The following PRKG1 variants were observed in gnomAD, a reference collection of about 807,000 sequenced individuals.
The protein encoded by PRKG1 is cGMP-dependent protein kinase 1.
A neutral mutation model predicts 88.1 loss-of-function variants in PRKG1; 35 were observed. That is an observed-to-expected ratio of 0.40 (90% CI 0.30 to 0.53). PRKG1 has a LOEUF of 0.53. Among genes scored for constraint, PRKG1 ranks in the 20% least tolerant of loss-of-function variants. PRKG1 has a pLI of 0.59. For missense variants in PRKG1, 540 were observed against 839.8 expected (o/e 0.64, Z 4.41); for synonymous variants, 303 against 292.5 (o/e 1.04, Z -0.37).
At chr10:51,523,369 T>A (rs565411219) in intron 3 of PRKG1, among the ~76,000 whole-genome samples, 1 of 152,338 alleles carries the variant, frequency 6.6e-6, no homozygotes, top group Admixed American at 6.5e-5. Flanking sequence ...ATTTTCTATT[T>A]AAGTTGGTTA....
At chr10:51,249,191 A>G (rs535617134) in intron 2 of PRKG1, among the ~76,000 whole-genome samples, 21 of 152,012 alleles carry the variant, frequency 1.4e-4, no homozygotes, top group Admixed American at 4.6e-4. Context: ...GGGCAAAAAA[A>G]TTTTAGTTTA....
chr10:51,376,294 A>T (rs769010401), intron 2 of PRKG1, among the ~76,000 whole-genome samples: 20 of 152,198 alleles, frequency 1.3e-4, no homozygotes, highest in Admixed American at 3.3e-4. Flanking sequence ...CATTTTTTAC[A>T]GTTTATACAT....
intron 3 of PRKG1, among the ~76,000 whole-genome samples, chr10:51,573,791 C>T (rs930296257): frequency 2.0e-5 from 3 of 151,798 alleles, no homozygotes; most frequent in African/African-American, 7.2e-5. Context: ...GCTCAATGAA[C>T]ATTGAACCAA....
intron 2 of PRKG1, among the ~76,000 whole-genome samples, chr10:51,331,633 T>C (rs1176163737): frequency 6.6e-6 from 1 of 152,216 alleles, no homozygotes; most frequent in African/African-American, 2.4e-5. Context: ...GTGTCTTTTC[T>C]TATTATTGTG....
intron 1 of PRKG1, among the ~76,000 whole-genome samples, chr10:51,007,908 C>T (rs1333027840): frequency 6.6e-6 from 1 of 152,176 alleles, no homozygotes; most frequent in African/African-American, 2.4e-5. Flanking sequence ...TCTCAACAAT[C>T]CCATGGTGGT....
At chr10:52,282,089 T>C (rs1194804697) in intron 13 of PRKG1, 64 bp from the exon 14 acceptor site, 7 of 1,402,494 alleles carry the variant, frequency 5.0e-6, no homozygotes, top group Non-Finnish European at 6.7e-6. Context: ...TGCTTCAAAA[T>C]AACTTATTAC....
chr10:51,736,268 T>G (rs934803983), intron 3 of PRKG1, among the ~76,000 whole-genome samples: 4 of 152,024 alleles, frequency 2.6e-5, no homozygotes, highest in African/African-American at 9.7e-5. Flanking sequence ...TTTAAAAAAA[T>G]TATTTATTAT....
At chr10:51,055,640 G>A (rs950709993) in intron 1 of PRKG1, among the ~76,000 whole-genome samples, 6 of 151,978 alleles carry the variant, frequency 3.9e-5, no homozygotes, top group Non-Finnish European at 8.8e-5. Flanking sequence ...TCGGGAGGCT[G>A]AGGCAGGAGA....
At chr10:52,244,407 G>A (rs1840949542) in intron 9 of PRKG1, among the ~76,000 whole-genome samples, 2 of 151,852 alleles carry the variant, frequency 1.3e-5, no homozygotes, top group South Asian at 4.2e-4. Flanking sequence ...AGAGATGATT[G>A]ATGACTTGAT....
At chr10:51,788,596 A>G (rs1232546756) in intron 3 of PRKG1, among the ~76,000 whole-genome samples, 1 of 152,210 alleles carries the variant, frequency 6.6e-6, no homozygotes, top group Non-Finnish European at 1.5e-5. Context: ...CGCCTAGAAA[A>G]TAAACGCCAA....
At chr10:51,689,381 C>T (rs1215080460) in intron 3 of PRKG1, among the ~76,000 whole-genome samples, 5 of 152,004 alleles carry the variant, frequency 3.3e-5, no homozygotes, top group Non-Finnish European at 5.9e-5. Flanking sequence ...TATGCATATT[C>T]ATATATTATA....
chr10:51,795,647 TA>T (rs1480542873), intron 3 of PRKG1, among the ~76,000 whole-genome samples: 6 of 152,220 alleles, frequency 3.9e-5, no homozygotes, highest in African/African-American at 1.4e-4. Flanking sequence ...TCTGTCACAC[TA>T]AGTATCTGAG....
intron 17 of PRKG1, among the ~76,000 whole-genome samples, chr10:52,291,970 T>C (rs1024004559): frequency 4.6e-5 from 7 of 152,192 alleles, no homozygotes; most frequent in Admixed American, 3.3e-4. Context: ...TGGTATCTCA[T>C]TGTTGTGTTG....
intron 1 of PRKG1, among the ~76,000 whole-genome samples, chr10:51,066,434 T>C (rs1284029444): frequency 6.6e-6 from 1 of 151,994 alleles, no homozygotes; most frequent in Non-Finnish European, 1.5e-5. Context: ...GAGATGTGAG[T>C]AGTTGACAGT....
chr10:52,283,072 A>G (rs1045278904), intron 14 of PRKG1, among the ~76,000 whole-genome samples: 1 of 152,158 alleles, frequency 6.6e-6, no homozygotes, highest in African/African-American at 2.4e-5. Flanking sequence ...GTTCATGTAA[A>G]AAAAACAGGA....
At chr10:51,827,152 T>C (rs1005123452) in intron 4 of PRKG1, among the ~76,000 whole-genome samples, 26 of 152,190 alleles carry the variant, frequency 1.7e-4, no homozygotes, top group Non-Finnish European at 3.2e-4. Context: ...GTTTGTTTAT[T>C]ATCTCAGTAT....
chr10:51,224,079 A>G (rs1395008034), intron 2 of PRKG1, among the ~76,000 whole-genome samples: 2 of 152,206 alleles, frequency 1.3e-5, no homozygotes, highest in Non-Finnish European at 2.9e-5. Context: ...GAGTGGGAAA[A>G]TAGGAAAAGA....
At chr10:51,081,477 A>G (rs748071720) in intron 1 of PRKG1, among the ~76,000 whole-genome samples, 2 of 152,216 alleles carry the variant, frequency 1.3e-5, no homozygotes, top group African/African-American at 2.4e-5. Context: ...TATACTGAAG[A>G]TAGTTTCCCA....
chr10:51,623,379 A>G (rs1839257382), intron 3 of PRKG1, among the ~76,000 whole-genome samples: 1 of 151,910 alleles, frequency 6.6e-6, no homozygotes. Flanking sequence ...TTTTTTAACT[A>G]TTTGTAGAGA....
Sources: allele counts gnomAD v4.1 joint callset (sites outside exome capture counted in the v4.1 genomes callset), GRCh38; gene constraint gnomAD v4.1.1; transcripts MANE v1.5; gene names NCBI Gene and HGNC (gene_info 2026-07-23, HGNC 2026-07-21).